The following CFAP299 variants were observed in gnomAD, a reference collection of about 807,000 sequenced individuals.
CFAP299 encodes the protein cilia and flagella associated protein 299.
Under a neutral mutation model 27.0 loss-of-function variants are expected in CFAP299, and 21 were observed. That is an observed-to-expected ratio of 0.78 (90% confidence interval 0.55 to 1.12). The LOEUF is 1.12. Among genes scored for constraint, CFAP299 ranks in the 50% most tolerant of loss-of-function variants. The pLI is 0.00. For missense variants in CFAP299, 310 were observed against 276.6 expected (o/e 1.12, Z -0.86); for synonymous variants, 104 against 98.1 (o/e 1.06, Z -0.36).
chr4:80,662,610 A>T (rs1490113066), intron 3 of CFAP299, among the ~76,000 whole-genome samples: 4 of 152,206 alleles, frequency 2.6e-5, no homozygotes, highest in Non-Finnish European at 5.9e-5. Flanking sequence ...GGGAATAAAA[A>T]GTTTTAGCTT....
In CFAP299 at chr4:80,394,233, T is replaced by C. The variant is rs62297696; in HGVS notation, c.242+31349T>C. 9.1e-3 allele frequency among the ~76,000 whole-genome samples: 1,387 copies of C among 152,230 alleles called. 9 individuals carry two copies. Among genetic ancestry groups the C allele is most frequent in the Middle Eastern group, 0.024 (7 of 294 alleles). On this transcript the variant is annotated intron_variant, in intron 2 of 5. Transcript: ENST00000358105. ...CAGTGTGAGAAGGGACTAATACATATGTCTTCTTTTGAAAAATATCCATTC... is the reference window on the plus strand; with the variant it reads ...CAGTGTGAGAAGGGACTAATACATACGTCTTCTTTTGAAAAATATCCATTC...
intron 1 of CFAP299, among the ~76,000 whole-genome samples, chr4:80,347,517 A>C (rs1722794039): frequency 1.3e-5 from 2 of 152,282 alleles, no homozygotes; most frequent in South Asian, 4.1e-4. Context: ...ATCATGTATG[A>C]ACTCTCATTT....
At chr4:80,347,656 T>G (rs550796617) in intron 1 of CFAP299, among the ~76,000 whole-genome samples, 1 of 152,156 alleles carries the variant, frequency 6.6e-6, no homozygotes, top group Non-Finnish European at 1.5e-5. Context: ...GGAAAAACCT[T>G]CCATGCTCAT....
chr4:80,424,947 G>A (rs1384549107), intron 2 of CFAP299, among the ~76,000 whole-genome samples: 5 of 152,272 alleles, frequency 3.3e-5, no homozygotes, highest in Admixed American at 2.6e-4. Context: ...ATAGTCCACG[G>A]ATAGTGTAGA....
intron 3 of CFAP299, among the ~76,000 whole-genome samples, chr4:80,736,034 C>G (rs937569239): frequency 6.6e-6 from 1 of 151,952 alleles, no homozygotes; most frequent in East Asian, 1.9e-4. Flanking sequence ...TGAAGGTTGC[C>G]TGTTCACTCT....
intron 3 of CFAP299, among the ~76,000 whole-genome samples, chr4:80,846,371 G>T (rs1406032535): frequency 6.6e-6 from 1 of 152,082 alleles, no homozygotes; most frequent in Non-Finnish European, 1.5e-5. Context: ...TGAGGTCAGG[G>T]TCTTACTTTG....
intron 3 of CFAP299, among the ~76,000 whole-genome samples, chr4:80,829,142 C>A (rs1338911588): frequency 2.0e-5 from 3 of 151,816 alleles, no homozygotes; most frequent in African/African-American, 7.2e-5. Flanking sequence ...AAGAGGCAAC[C>A]TACAGAATAG....
intron 2 of CFAP299, among the ~76,000 whole-genome samples, chr4:80,483,520 C>A (rs896284723): frequency 3.3e-5 from 5 of 151,866 alleles, no homozygotes; most frequent in Admixed American, 3.3e-4. Context: ...ACCATTATAT[C>A]CATAATCTTG....
chr4:80,799,377 A>C (rs1189496272), intron 3 of CFAP299, among the ~76,000 whole-genome samples: 25 of 94,812 alleles, frequency 2.6e-4, no homozygotes, highest in Non-Finnish European at 9.1e-5. Context: ...TATATATATA[A>C]ATGTATTTAT....
intron 3 of CFAP299, among the ~76,000 whole-genome samples, chr4:80,833,445 C>A (rs987777037): frequency 1.3e-5 from 2 of 151,946 alleles, no homozygotes; most frequent in African/African-American, 2.4e-5. Flanking sequence ...AAAAATAACA[C>A]GTACTGGCCC....
chr4:80,851,488 G>GA (rs1368392675), intron 3 of CFAP299, among the ~76,000 whole-genome samples: 2 of 152,012 alleles, frequency 1.3e-5, no homozygotes, highest in Non-Finnish European at 2.9e-5. Context: ...AAAATGTAGG[G>GA]AAAATACATA....
intron 2 of CFAP299, among the ~76,000 whole-genome samples, chr4:80,439,280 C>G (rs1323284893): frequency 6.6e-6 from 1 of 152,172 alleles, no homozygotes; most frequent in Non-Finnish European, 1.5e-5. Context: ...AGGAACAGCT[C>G]CAGTCTGCAG....
chr4:80,542,854 C>T (rs1009244348), intron 2 of CFAP299, among the ~76,000 whole-genome samples: 1 of 152,044 alleles, frequency 6.6e-6, no homozygotes, highest in Non-Finnish European at 1.5e-5. Context: ...GCATATTTGC[C>T]TATGGTGCCC....
chr4:80,587,398 T>C (rs1736504387), intron 3 of CFAP299, among the ~76,000 whole-genome samples: 5 of 152,114 alleles, frequency 3.3e-5, no homozygotes, highest in Admixed American at 3.3e-4. Context: ...GCGAAGGTTA[T>C]GGAGTCATCT....
At chr4:80,604,800 G>A (rs1266312367) in intron 3 of CFAP299, among the ~76,000 whole-genome samples, 2 of 151,426 alleles carry the variant, frequency 1.3e-5, no homozygotes, top group African/African-American at 4.9e-5. Context: ...TTTTACAAGA[G>A]TATGAATTGC....
At chr4:80,455,906 C>A (rs1014561607) in intron 2 of CFAP299, among the ~76,000 whole-genome samples, 1 of 151,702 alleles carries the variant, frequency 6.6e-6, no homozygotes, top group Non-Finnish European at 1.5e-5. Context: ...ATCCATGTAT[C>A]CACAGAGCTT....
intron 2 of CFAP299, among the ~76,000 whole-genome samples, chr4:80,444,177 A>G (rs544207821): frequency 6.6e-6 from 1 of 152,326 alleles, no homozygotes; most frequent in South Asian, 2.1e-4. Flanking sequence ...TAGAAAAACT[A>G]CTTTAAATTT....
chr4:80,825,591 AT>A lies in CFAP299; in HGVS notation c.334-44398del, dbSNP rs557978710. Among the ~76,000 whole-genome samples the A allele has an allele frequency of 2.5e-3, 375 of 152,074 alleles. 1 individual carries two copies. Among genetic ancestry groups the A allele is most frequent in the African/African-American group, 8.5e-3 (354 of 41,544 alleles). On this transcript the variant is annotated intron_variant, in intron 3 of 5. Coordinates refer to ENST00000358105, the MANE Select transcript of CFAP299 (RefSeq NM_152770.3). ...TTTGAGGTCAGAAGGCAGTGAACTA[AT>A]TTTAAAGGTGCTCAAATAAAAAAAA...
chr4:80,543,817 A>G (rs937817041), intron 2 of CFAP299, among the ~76,000 whole-genome samples: 6 of 152,246 alleles, frequency 3.9e-5, no homozygotes, highest in African/African-American at 1.4e-4. Context: ...AGAGATTAAC[A>G]TGCAAATTCA....
Sources: gnomAD v4.1 joint callset for allele counts (sites outside exome capture counted in the v4.1 genomes callset) on GRCh38, gnomAD v4.1.1 for gene constraint, MANE v1.5 for transcripts, NCBI Gene and HGNC (gene_info 2026-07-23, HGNC 2026-07-21) for gene names.